RIN2: variants seen among roughly 807,000 people sequenced by gnomAD.
RIN2 encodes the protein RAB5 interacting protein 2.
A neutral mutation model predicts 78.0 loss-of-function variants in RIN2; 36 were observed. The observed-to-expected ratio is 0.46, with a 90% CI of 0.35 to 0.61. The LOEUF (loss-of-function observed/expected upper bound fraction) is 0.61, where lower values mean the gene tolerates loss of function less well. RIN2 is among the 20% of genes least tolerant of loss of function. The pLI is 0.00. For synonymous variants in RIN2, 466 were observed against 466.8 expected, an observed-to-expected ratio of 1.00 and a Z score of 0.02; for missense variants, 1,087 against 1,159.7, an observed-to-expected ratio of 0.94 and a Z score of 0.91.
intron 5 of RIN2, among the ~76,000 whole-genome samples, chr20:19,958,824 G>A (rs1026878297): frequency 1.3e-5 from 2 of 152,132 alleles, no homozygotes; most frequent in African/African-American, 4.8e-5. Context: ...AGCTGAGATT[G>A]CACCACTGCA....
chr20:19,830,470 A>T (rs2876544), intron 2 of RIN2, among the ~76,000 whole-genome samples: 26,772 of 152,042 alleles, frequency 0.18, 2,622 homozygotes, highest in African/African-American at 0.27. Context: ...TAATAATATG[A>T]CCATCAGCCA....
chr20:19,911,697 T>C (rs2039473364), intron 3 of RIN2, among the ~76,000 whole-genome samples: 1 of 151,588 alleles, frequency 6.6e-6, no homozygotes, highest in South Asian at 2.1e-4. Flanking sequence ...GTTGTCATGA[T>C]TCTTTGGCCT....
intron 2 of RIN2, among the ~76,000 whole-genome samples, chr20:19,840,238 T>A (rs1451611261): frequency 6.6e-6 from 1 of 152,190 alleles, no homozygotes; most frequent in Non-Finnish European, 1.5e-5. Context: ...GGTTTGCCAG[T>A]GGAAGTGGGT....
chr20:19,796,321 A>G (rs1362318346), intron 1 of RIN2, among the ~76,000 whole-genome samples: 1 of 152,224 alleles, frequency 6.6e-6, no homozygotes, highest in Non-Finnish European at 1.5e-5. Context: ...CAAGGATAAC[A>G]TTTACTAATT....
intron 3 of RIN2, among the ~76,000 whole-genome samples, chr20:19,896,653 T>C (rs1441137571): frequency 2.0e-5 from 3 of 152,184 alleles, no homozygotes; most frequent in African/African-American, 4.8e-5. Context: ...ACAGTGACAA[T>C]TTACTCATAA....
intron 3 of RIN2, among the ~76,000 whole-genome samples, chr20:19,913,555 T>C (rs1281745420): frequency 2.0e-5 from 3 of 152,236 alleles, no homozygotes; most frequent in African/African-American, 4.8e-5. Context: ...TCTTGCAGAA[T>C]TGAAACTCTA....
intron 9 of RIN2, among the ~76,000 whole-genome samples, chr20:19,986,301 C>G (rs1327338471): frequency 6.6e-6 from 1 of 151,710 alleles, no homozygotes; most frequent in African/African-American, 2.4e-5. Context: ...TTGTCCCCTA[C>G]TCTTTATGTT....
intron 2 of RIN2, among the ~76,000 whole-genome samples, chr20:19,811,459 G>C (rs905371292): frequency 2.0e-5 from 3 of 152,158 alleles, no homozygotes; most frequent in African/African-American, 7.2e-5. Context: ...CCTGTCACCA[G>C]AGAGACTTCA....
intron 1 of RIN2, among the ~76,000 whole-genome samples, chr20:19,764,227 G>A (rs552404849): frequency 2.0e-5 from 3 of 152,264 alleles, no homozygotes; most frequent in East Asian, 3.9e-4. Context: ...AATTGTTACC[G>A]ATTTTTCCCA....
intron 4 of RIN2, among the ~76,000 whole-genome samples, chr20:19,938,739 G>A (rs1227131631): frequency 6.6e-6 from 1 of 152,190 alleles, no homozygotes; most frequent in African/African-American, 2.4e-5. Context: ...CACACTATAT[G>A]TAGTTTTAAA....
chr20:19,989,807 C>A (rs1306419986), intron 9 of RIN2, among the ~76,000 whole-genome samples, 199 bp from the exon 10 acceptor site: 1 of 152,210 alleles, frequency 6.6e-6, no homozygotes, highest in Non-Finnish European at 1.5e-5. Context: ...AAGATTCGGT[C>A]TTCCTGGCTT....
At chr20:19,822,749 G>T (rs2035964429) in intron 2 of RIN2, among the ~76,000 whole-genome samples, 1 of 151,864 alleles carries the variant, frequency 6.6e-6, no homozygotes, top group Non-Finnish European at 1.5e-5. Flanking sequence ...ATTATTTATG[G>T]TCACTTTTTG....
intron 4 of RIN2, among the ~76,000 whole-genome samples, chr20:19,950,219 C>T (rs541893602): frequency 1.1e-4 from 17 of 152,286 alleles, no homozygotes; most frequent in Admixed American, 4.6e-4. Flanking sequence ...TTGTTCTCTG[C>T]CCCTAGAGGC....
chr20:19,808,867 T>G (rs2035497534), intron 2 of RIN2, among the ~76,000 whole-genome samples: 1 of 152,172 alleles, frequency 6.6e-6, no homozygotes, highest in Non-Finnish European at 1.5e-5. Context: ...TGGTGGCCTT[T>G]ATGGTCAGGA....
intron 9 of RIN2, 60 bp from the exon 10 acceptor site, chr20:19,989,946 A>G: frequency 2.8e-6 from 4 of 1,433,948 alleles, no homozygotes; most frequent in Non-Finnish European, 3.7e-6. Flanking sequence ...GTAAGAAAGC[A>G]GATGTTGCAT....
intron 7 of RIN2, among the ~76,000 whole-genome samples, chr20:19,966,417 G>C (rs2041940226): frequency 6.6e-6 from 1 of 151,418 alleles, no homozygotes; most frequent in African/African-American, 2.4e-5. Context: ...CCACCTCCTT[G>C]GGTTCAAGCA....
At chr20:19,990,482 A>C (rs1601069260) in intron 10 of RIN2, among the ~76,000 whole-genome samples, 171 bp downstream of exon 10, 1 of 152,168 alleles carries the variant, frequency 6.6e-6, no homozygotes, top group African/African-American at 2.4e-5. Flanking sequence ...CATTAGTCAC[A>C]TGCAACAGAT....
chr20:19,801,253 C>A (rs2035232083), intron 2 of RIN2, among the ~76,000 whole-genome samples: 1 of 152,168 alleles, frequency 6.6e-6, no homozygotes, highest in South Asian at 2.1e-4. Context: ...TTTTCCTTAT[C>A]ATGTAAAATA....
At chr20:19,970,703 C>CT in intron 7 of RIN2, 135 bp from the exon 8 acceptor site, 1 of 693,100 alleles carries the variant, frequency 1.4e-6, no homozygotes, top group Non-Finnish European at 2.5e-6. Flanking sequence ...GGAAAGATAA[C>CT]TTTGTCGATA....
Sources: gnomAD v4.1 joint callset for allele counts (sites outside exome capture counted in the v4.1 genomes callset) on GRCh38, gnomAD v4.1.1 for gene constraint, MANE v1.5 for transcripts, NCBI Gene and HGNC (gene_info 2026-07-23, HGNC 2026-07-21) for gene names.